PRORP: variants seen among roughly 807,000 people sequenced by gnomAD.
PRORP encodes protein only RNase P catalytic subunit.
PRORP carries 51 observed loss-of-function variants against 59.4 expected under a neutral mutation model. The observed-to-expected ratio is 0.86, with a 90% CI of 0.69 to 1.08. The LOEUF (loss-of-function observed/expected upper bound fraction) is 1.08, where lower values mean the gene tolerates loss of function less well. Ranked by LOEUF, PRORP falls within the 50% of genes least tolerant of loss-of-function variation. The pLI is 0.00. For synonymous variants in PRORP, 231 were observed against 245.6 expected (o/e 0.94, Z 0.55); for missense variants, 646 against 690.3 (o/e 0.94, Z 0.72).
intron 4 of PRORP, among the ~76,000 whole-genome samples, chr14:35,160,067 C>T (rs1316227410): frequency 1.3e-5 from 2 of 152,196 alleles, no homozygotes; most frequent in Non-Finnish European, 2.9e-5. Flanking sequence ...CCCTTAATCT[C>T]GTTGATTACT....
chr14:35,263,822 A>T (rs2050968217), intron 5 of PRORP, among the ~76,000 whole-genome samples: 1 of 152,216 alleles, frequency 6.6e-6, no homozygotes, highest in Non-Finnish European at 1.5e-5. Context: ...TGAGCACAGA[A>T]ACCATTATTC....
intron 4 of PRORP, among the ~76,000 whole-genome samples, chr14:35,154,099 A>C (rs1188026064): frequency 6.6e-6 from 1 of 152,214 alleles, no homozygotes; most frequent in Non-Finnish European, 1.5e-5. Flanking sequence ...CTGCAATGTT[A>C]AGGCTTTCTA....
Position 35,248,974 on chromosome 14 carries a change from T to C in PRORP, c.1276-17753T>C, listed in dbSNP as rs190317815. On this transcript the variant is annotated intron_variant, in intron 5 of 7. Coordinates refer to ENST00000534898, the MANE Select transcript of PRORP (RefSeq NM_014672.4). ...ACTGTACATTTTGTGGCGAGCACAA[T>C]GCATCAATTACAGGCATTATGTTTG... Among the ~76,000 whole-genome samples the C allele has an allele frequency of 3.2e-3, 489 of 152,306 alleles. 13 individuals are homozygous for C. Among genetic ancestry groups the C allele is most frequent in the Admixed American group, 0.028 (428 of 15,306 alleles).
chr14:35,263,132 A>G, intron 5 of PRORP: 2 of 835,404 alleles, frequency 2.4e-6, no homozygotes, highest in South Asian at 1.7e-5. Flanking sequence ...ATTGATTTGG[A>G]AAGAAAAATA....
intron 5 of PRORP, among the ~76,000 whole-genome samples, chr14:35,192,054 C>T (rs563083281): frequency 6.6e-6 from 1 of 152,308 alleles, no homozygotes; most frequent in Non-Finnish European, 1.5e-5. Context: ...TCAATAACTT[C>T]CCTTTACACT....
At chr14:35,127,747 G>C in intron 4 of PRORP, 136 bp downstream of exon 4, 1 of 794,468 alleles carries the variant, frequency 1.3e-6, no homozygotes. Context: ...CAACTCTGCT[G>C]TTGTAGTTAA....
intron 4 of PRORP, among the ~76,000 whole-genome samples, chr14:35,134,641 G>C (rs1434183302): frequency 6.6e-6 from 1 of 152,150 alleles, no homozygotes; most frequent in Non-Finnish European, 1.5e-5. Flanking sequence ...CCATCCTGCT[G>C]TAGCTGAGCT....
At chr14:35,156,225 T>C (rs2047910453) in intron 4 of PRORP, among the ~76,000 whole-genome samples, 1 of 152,194 alleles carries the variant, frequency 6.6e-6, no homozygotes, top group Admixed American at 6.5e-5. Context: ...CTGGGAGATG[T>C]GGAGTGTGGG....
intron 4 of PRORP, chr14:35,158,740 T>C: frequency 2.6e-6 from 1 of 383,838 alleles, no homozygotes; most frequent in Admixed American, 3.1e-5. Flanking sequence ...CAAATCCTAT[T>C]TGGTATCAAC....
At chr14:35,136,924 A>G (rs1296955693) in intron 4 of PRORP, among the ~76,000 whole-genome samples, 2 of 145,888 alleles carry the variant, frequency 1.4e-5, no homozygotes, top group Non-Finnish European at 3.0e-5. Flanking sequence ...TAGAACAGTC[A>G]GAACAAGGCA....
rs575615375 is a variant in PRORP at position 35,154,988 on chromosome 14, G to A, written c.1168-25682G>A. 1.2e-4 allele frequency among the ~76,000 whole-genome samples: 19 copies of A among 152,060 alleles called. No homozygotes were observed. In the South Asian group the frequency reaches 2.3e-3, roughly 18 times the overall value. ...CAGCTCACCACAGCCTCAACCTCCC[G>A]GGCTCAGGTGATCATCCCACCTCAG... is the stretch of plus-strand genomic sequence containing the variant. On this transcript the variant is annotated intron_variant, in intron 4 of 7. Transcript: ENST00000534898.
chr14:35,225,898 T>TAAAAC (rs2049921902), intron 5 of PRORP, among the ~76,000 whole-genome samples: 2 of 151,918 alleles, frequency 1.3e-5, no homozygotes, highest in Admixed American at 1.3e-4. Flanking sequence ...TAAAATAAAA[T>TAAAAC]AAATAAACAA....
chr14:35,265,292 A>G lies in PRORP; in HGVS notation c.1276-1435A>G, dbSNP rs1187680093. Among the ~76,000 whole-genome samples the G allele has an allele frequency of 3.9e-5, 6 of 152,224 alleles. No homozygotes were observed. In the South Asian group the frequency reaches 8.3e-4, roughly 21 times the overall value. ...ACTTGTGATTTTTGTGGGCCCACCA[A>G]TTCTCATAAAGATCTTTTATATTTC... On this transcript the variant is annotated intron_variant, in intron 5 of 7. Transcript: ENST00000534898.
rs181540151 is a variant in PRORP at position 35,276,917 on chromosome 14, A to C, written c.*3351A>C. ...ATTCTCTCAGGGCTCTGTTGGGTCTACCTCATCTGAGGTGGCTTATTCTTC... is the reference window on the plus strand; with the variant it reads ...ATTCTCTCAGGGCTCTGTTGGGTCTCCCTCATCTGAGGTGGCTTATTCTTC... On this transcript the variant is annotated 3_prime_UTR_variant, in exon 8 of 8. Transcript: ENST00000534898. The C allele has an allele frequency of 2.0e-5, 3 of 152,110 alleles. No individual in the cohort carries two copies. Among genetic ancestry groups the C allele is most frequent in the African/African-American group, 4.8e-5 (2 of 41,422 alleles). 9.4% of individuals were successfully genotyped at this position (152,110 alleles called of 1,614,324 possible).
chr14:35,268,830 A>G (rs533463995), intron 6 of PRORP, among the ~76,000 whole-genome samples: 2 of 152,100 alleles, frequency 1.3e-5, no homozygotes, highest in Non-Finnish European at 2.9e-5. Context: ...TCCTGACCTC[A>G]TGATCCACCC....
Position 35,268,680 on chromosome 14 carries a change from C to T in PRORP, c.1425-1721C>T, listed in dbSNP as rs528401714. On this transcript the variant is annotated intron_variant, in intron 6 of 7. Coordinates refer to ENST00000534898, the MANE Select transcript of PRORP (RefSeq NM_014672.4). ...GCACAATCTTTGCTCATGGCAACCT[C>T]CACCTCCCGGGTTCAAGCGATTCTC... 2.0e-5 allele frequency among the ~76,000 whole-genome samples: 3 copies of T among 152,266 alleles called. No homozygotes were observed. In the East Asian group the frequency reaches 5.8e-4, roughly 29 times the overall value.
At chr14:35,256,100 A>C (rs2050745554) in intron 5 of PRORP, among the ~76,000 whole-genome samples, 3 of 151,570 alleles carry the variant, frequency 2.0e-5, no homozygotes, top group Non-Finnish European at 2.9e-5. Context: ...CCTGGCCAAC[A>C]TGGTGAAACC....
At position 35,246,596 on chromosome 14, in the gene PRORP, CCAA is replaced by C. The variant is rs1476911770; in HGVS notation, c.1276-20130_1276-20128del. Among the ~76,000 whole-genome samples, 3 of 152,248 alleles carry C rather than the reference CCAA, an allele frequency of 2.0e-5. No homozygotes were observed. In the East Asian group the frequency reaches 5.8e-4, roughly 29 times the overall value. ...CACTTGTTTATCTGCTTTCCAGCTTCCAAAATCTTGTTGCTATTGTCTCTAAAG... is the reference window on the plus strand; with the variant it reads ...CACTTGTTTATCTGCTTTCCAGCTTCAATCTTGTTGCTATTGTCTCTAAAG... On this transcript the variant is annotated intron_variant, in intron 5 of 7. Transcript: ENST00000534898.
At chr14:35,205,480 A>G (rs760584227) in intron 5 of PRORP, among the ~76,000 whole-genome samples, 3 of 152,136 alleles carry the variant, frequency 2.0e-5, no homozygotes, top group Non-Finnish European at 4.4e-5. Context: ...GTGAGGCACC[A>G]TGCCTGGCCT....
Sources: allele counts gnomAD v4.1 joint callset (sites outside exome capture counted in the v4.1 genomes callset), GRCh38; gene constraint gnomAD v4.1.1; transcripts MANE v1.5; gene names NCBI Gene and HGNC (gene_info 2026-07-23, HGNC 2026-07-21).